GRIA1: variants seen among roughly 807,000 people sequenced by gnomAD.
GRIA1 encodes the protein glutamate receptor 1.
In GRIA1, 31 loss-of-function variants were observed where a neutral mutation model predicts 99.2. The ratio of observed to expected loss-of-function variants is 0.31; its 90% CI spans 0.23 to 0.42. GRIA1 has a LOEUF of 0.42. GRIA1 is among the 10% of genes least tolerant of loss of function. The pLI, the probability that GRIA1 is intolerant of heterozygous loss-of-function variation, is 1.00. For synonymous variants in GRIA1, 438 were observed against 432.4 expected, an observed-to-expected ratio of 1.01 and a Z score of -0.16; for missense variants, 782 against 1,157.5, an observed-to-expected ratio of 0.68 and a Z score of 4.71.
At chr5:153,666,308 G>A (rs1051282610) in intron 5 of GRIA1, among the ~76,000 whole-genome samples, 2 of 152,174 alleles carry the variant, frequency 1.3e-5, no homozygotes, top group African/African-American at 4.8e-5. Flanking sequence ...GTCTCACAGG[G>A]AAGATGAGAA....
chr5:153,509,646 A>G (rs761115496), intron 2 of GRIA1, among the ~76,000 whole-genome samples: 10 of 152,200 alleles, frequency 6.6e-5, no homozygotes, highest in Non-Finnish European at 1.2e-4. Context: ...CTTTGGAGAT[A>G]TCATCCTCAT....
At chr5:153,634,545 T>G (rs1244278804) in intron 2 of GRIA1, among the ~76,000 whole-genome samples, 1 of 152,014 alleles carries the variant, frequency 6.6e-6, no homozygotes, top group Non-Finnish European at 1.5e-5. Flanking sequence ...GGCAGAGGTG[T>G]CATGGCCTGG....
Position 153,568,482 on chromosome 5 carries a change from G to A in GRIA1, c.220+74417G>A, listed in dbSNP as rs533167741. Among the ~76,000 whole-genome samples the A allele has an allele frequency of 8.5e-5, 13 of 152,198 alleles. No individual in the cohort carries two copies. In the South Asian group the frequency reaches 1.9e-3, roughly 22 times the overall value. On this transcript the variant is annotated intron_variant, in intron 2 of 15. Coordinates refer to ENST00000285900, the MANE Select transcript of GRIA1 (RefSeq NM_000827.4). ...TATCAAAATATCATCAGAAACAGTC[G>A]AGTGATTCAAATGGTTTTTTTTAAT...
At chr5:153,581,075 T>A (rs1298630620) in intron 2 of GRIA1, among the ~76,000 whole-genome samples, 1 of 152,206 alleles carries the variant, frequency 6.6e-6, no homozygotes, top group African/African-American at 2.4e-5. Context: ...CACTTCGAAG[T>A]CTGGCATGCG....
At chr5:153,624,556 G>A (rs138897561) in intron 2 of GRIA1, among the ~76,000 whole-genome samples, 1 of 152,314 alleles carries the variant, frequency 6.6e-6, no homozygotes. Context: ...TGGAAGACAA[G>A]ATTTTACAGT....
At chr5:153,707,661 G>GT (rs1421513091) in intron 11 of GRIA1, among the ~76,000 whole-genome samples, 1 of 152,068 alleles carries the variant, frequency 6.6e-6, no homozygotes, top group African/African-American at 2.4e-5. Flanking sequence ...ACCTATCTAC[G>GT]TTTTGCATTT....
intron 11 of GRIA1, among the ~76,000 whole-genome samples, chr5:153,760,004 T>A (rs1435806629): frequency 1.3e-5 from 2 of 152,100 alleles, no homozygotes; most frequent in Non-Finnish European, 2.9e-5. Flanking sequence ...CAACCTTTTA[T>A]GACGAAAACC....
chr5:153,719,062 T>C (rs779576399), intron 11 of GRIA1, among the ~76,000 whole-genome samples: 12 of 152,076 alleles, frequency 7.9e-5, no homozygotes, highest in Non-Finnish European at 1.5e-4. Flanking sequence ...GAGCACCTGG[T>C]TTTGTTTCTT....
Position 153,490,689 on chromosome 5 carries a change from T to C in GRIA1, c.-200T>C. 1.6e-6 allele frequency: 1 copy of C among 641,538 alleles called. No homozygotes were observed. Among genetic ancestry groups the C allele is most frequent in the African/African-American group, 1.8e-5 (1 of 55,044 alleles). The allele number at this position is 641,538 out of a possible 1,614,324, so 39.7% of individuals were successfully genotyped here. ...GTGCTCAGTTAATCTGGCTGTCAGT[T>C]GGTGTTAACGCTGCAGTTTAAGTGT... is the stretch of plus-strand genomic sequence containing the variant. On this transcript the variant is annotated 5_prime_UTR_variant, in exon 1 of 16. Transcript: ENST00000285900.
At chr5:153,676,148 C>A (rs139668104) in intron 6 of GRIA1, among the ~76,000 whole-genome samples, 1 of 152,068 alleles carries the variant, frequency 6.6e-6, no homozygotes, top group African/African-American at 2.4e-5. Flanking sequence ...TGAGCCACTG[C>A]GCCCGGCATG....
At chr5:153,641,678 A>G (rs568074663) in intron 2 of GRIA1, among the ~76,000 whole-genome samples, 2 of 152,148 alleles carry the variant, frequency 1.3e-5, no homozygotes, top group South Asian at 4.1e-4. Context: ...CTACCCATAT[A>G]CAGTACTCTT....
intron 2 of GRIA1, among the ~76,000 whole-genome samples, chr5:153,553,882 A>G (rs889103943): frequency 4.6e-5 from 7 of 152,022 alleles, no homozygotes; most frequent in African/African-American, 1.7e-4. Context: ...GTTGCCTGAC[A>G]TTTCTTGTGG....
At chr5:153,491,086 C>T in intron 1 of GRIA1, 116 bp downstream of exon 1, 1 of 1,130,046 alleles carries the variant, frequency 8.8e-7, no homozygotes, top group Non-Finnish European at 1.3e-6. Flanking sequence ...CTCCCTAAAG[C>T]TGTGCTGCGG....
In GRIA1 at chr5:153,705,006, A is replaced by G. The variant is rs140485795; in HGVS notation, c.1453-691A>G. 7.2e-5 allele frequency among the ~76,000 whole-genome samples: 11 copies of G among 152,322 alleles called. No homozygotes were observed. The East Asian group carries it at 1.2e-3, about 16-fold the overall frequency. ...GTTAAATTGACCTTTACTCAGGACT[A>G]TCTTGGTTGCAGGAAAAAGAAACCC... is the stretch of plus-strand genomic sequence containing the variant. On this transcript the variant is annotated intron_variant, in intron 10 of 15. Coordinates refer to ENST00000285900, the MANE Select transcript of GRIA1 (RefSeq NM_000827.4).
chr5:153,609,556 T>A lies in GRIA1; in HGVS notation c.221-37372T>A, dbSNP rs386352444. 4.2e-4 allele frequency among the ~76,000 whole-genome samples: 4 copies of A among 9,616 alleles called. No homozygotes were observed. In the South Asian group the frequency reaches 5.0e-3, roughly 12 times the overall value. The allele number at this position is 9,616 out of a possible 152,430, so 6.3% of individuals were successfully genotyped here. ...GGCATTTGGGATTCAGACTCTTTTC[T>A]TTTTTTTTTTTTTTTTTTTTTTTTT... On this transcript the variant is annotated intron_variant, in intron 2 of 15. Transcript: ENST00000285900.
chr5:153,778,475 A>T (rs1764415706), intron 13 of GRIA1, among the ~76,000 whole-genome samples: 1 of 152,044 alleles, frequency 6.6e-6, no homozygotes. Context: ...TATCCTATTT[A>T]ATCCTAACAA....
At chr5:153,602,281 CA>C (rs1368040530) in intron 2 of GRIA1, among the ~76,000 whole-genome samples, 2 of 147,368 alleles carry the variant, frequency 1.4e-5, no homozygotes, top group African/African-American at 5.0e-5. Flanking sequence ...ATCACAAGGA[CA>C]AAAAACCAAA....
intron 2 of GRIA1, among the ~76,000 whole-genome samples, chr5:153,635,275 G>C (rs945690983): frequency 6.6e-6 from 1 of 152,178 alleles, no homozygotes; most frequent in Non-Finnish European, 1.5e-5. Context: ...TGATTTACCT[G>C]GTGTTCCTTG....
intron 6 of GRIA1, among the ~76,000 whole-genome samples, chr5:153,675,873 T>TG (rs35228355): frequency 1.3e-4 from 20 of 151,800 alleles, no homozygotes; most frequent in Admixed American, 1.0e-3. Flanking sequence ...TTTTTTTTTT[T>TG]TGAGATGGAG....
Sources: gnomAD v4.1 joint callset for allele counts (sites outside exome capture counted in the v4.1 genomes callset) on GRCh38, gnomAD v4.1.1 for gene constraint, MANE v1.5 for transcripts, NCBI Gene and HGNC (gene_info 2026-07-23, HGNC 2026-07-21) for gene names.